The following REPS2 variants were observed in gnomAD, a reference collection of about 807,000 sequenced individuals.
REPS2 encodes the protein RALBP1 associated Eps domain containing 2.
Under a neutral mutation model 53.6 loss-of-function variants are expected in REPS2, and 23 were observed. The ratio of observed to expected loss-of-function variants is 0.43; its 90% CI spans 0.31 to 0.61. The LOEUF is 0.61. REPS2 is among the 20% of genes least tolerant of loss of function. REPS2 has a pLI of 0.11. For synonymous variants in REPS2, 238 were observed against 218.6 expected (o/e 1.09, Z -0.78); for missense variants, 446 against 534.9 (o/e 0.83, Z 1.64).
chrX:17,066,257 T>C (rs944288192), intron 9 of REPS2, among the ~76,000 whole-genome samples: 3 of 112,383 alleles, frequency 2.7e-5, no homozygotes, highest in Admixed American at 9.4e-5. Flanking sequence ...CTATTCTGAC[T>C]TCCTTGCATT....
At chrX:17,081,324 A>G (rs1303950678) in intron 13 of REPS2, among the ~76,000 whole-genome samples, 1 of 111,693 alleles carries the variant, frequency 9.0e-6, no homozygotes, top group Non-Finnish European at 1.9e-5. Context: ...TGGTTGTTAC[A>G]TAGGAGTGAT....
intron 13 of REPS2, among the ~76,000 whole-genome samples, chrX:17,098,041 T>C (rs2148043358): frequency 9.0e-6 from 1 of 110,653 alleles, no homozygotes; most frequent in South Asian, 3.9e-4. Context: ...GGTTTGGGGG[T>C]GGTGCTCTCC....
At chrX:17,050,146 CTTTCTTT>C (rs2061965552) in intron 6 of REPS2, among the ~76,000 whole-genome samples, 1 of 28,536 alleles carries the variant, frequency 3.5e-5, no homozygotes, top group Non-Finnish European at 5.5e-5. Flanking sequence ...TTCTTCCTTT[CTTTCTTT>C]CTTTCTTTCT....
intron 1 of REPS2, among the ~76,000 whole-genome samples, chrX:16,965,691 C>T (rs2060752815): frequency 8.9e-6 from 1 of 112,948 alleles, no homozygotes; most frequent in South Asian, 3.5e-4. Context: ...AGGCGCTCCT[C>T]ACTTCCTAGA....
At chrX:17,131,026 A>G (rs945862821) in intron 14 of REPS2, among the ~76,000 whole-genome samples, 2 of 112,219 alleles carry the variant, frequency 1.8e-5, no homozygotes, top group Non-Finnish European at 3.8e-5. Flanking sequence ...GGAGAAAGCT[A>G]TAAGAACTAG....
chrX:16,997,943 C>T (rs1285384724), intron 1 of REPS2, among the ~76,000 whole-genome samples: 1 of 111,494 alleles, frequency 9.0e-6, no homozygotes, highest in Non-Finnish European at 1.9e-5. Context: ...TTCGGGAGGC[C>T]AAGGTGGGAG....
intron 13 of REPS2, among the ~76,000 whole-genome samples, chrX:17,084,864 T>A (rs771754385): frequency 8.0e-5 from 9 of 112,336 alleles, no homozygotes; most frequent in African/African-American, 2.9e-4. Flanking sequence ...GATGGTGTCC[T>A]TTGAATCATA....
intron 1 of REPS2, among the ~76,000 whole-genome samples, chrX:16,964,868 G>A (rs2060719723): frequency 1.3e-5 from 1 of 75,033 alleles, no homozygotes; most frequent in Non-Finnish European, 2.5e-5. Context: ...CAGCCGGGCA[G>A]AGGCGCCCCT....
At chrX:16,964,607 C>T (rs1470420055) in intron 1 of REPS2, among the ~76,000 whole-genome samples, 2 of 109,261 alleles carry the variant, frequency 1.8e-5, no homozygotes, top group Non-Finnish European at 3.9e-5. Flanking sequence ...TAGGTGCCGC[C>T]GGGCAGAGGC....
chrX:17,052,306 G>A, intron 6 of REPS2, 76 bp from the exon 7 acceptor site: 1 of 821,975 alleles, frequency 1.2e-6, no homozygotes, highest in Non-Finnish European at 1.8e-6. Context: ...AAAAAATTGT[G>A]ATTCATTTGT....
At chrX:16,959,596 A>T (rs1412934145) in intron 1 of REPS2, among the ~76,000 whole-genome samples, 1 of 111,582 alleles carries the variant, frequency 9.0e-6, no homozygotes, top group Non-Finnish European at 1.9e-5. Context: ...GTTTGGGGGT[A>T]TGGCCAAGCA....
chrX:17,005,257 C>T (rs1045226542), intron 1 of REPS2, among the ~76,000 whole-genome samples: 1 of 110,572 alleles, frequency 9.0e-6, no homozygotes, highest in Non-Finnish European at 1.9e-5. Context: ...GAAGTTGCCC[C>T]CTGCCATTGA....
At chrX:16,977,159 G>A (rs1413393916) in intron 1 of REPS2, among the ~76,000 whole-genome samples, 1 of 111,498 alleles carries the variant, frequency 9.0e-6, no homozygotes, top group Non-Finnish European at 1.9e-5. Context: ...CCTTCTTTTG[G>A]CTTCTTGCTC....
In REPS2 at chrX:17,099,819, A is replaced by G. The variant is rs186560069; in HGVS notation, c.1517-3899A>G. The G allele has an allele frequency of 5.2e-6, 3 of 573,534 alleles. No individual in the cohort carries two copies. In the East Asian group the frequency reaches 9.8e-5, roughly 19 times the overall value. 47.3% of individuals were successfully genotyped at this position (573,534 alleles called of 1,213,427 possible). A position where few individuals can be genotyped will look rare whatever the true frequency, so the allele number is the denominator to read the frequency against. ...CTCTTTGGGGTAGGAATGCCACGTC[A>G]GCCTTTCCTCATAGAAGGATATGAC... On this transcript the variant is annotated intron_variant, in intron 13 of 17. Transcript: ENST00000357277.
chrX:17,091,886 G>A (rs985430753), intron 13 of REPS2, among the ~76,000 whole-genome samples: 2 of 112,089 alleles, frequency 1.8e-5, no homozygotes, highest in East Asian at 5.6e-4. Context: ...AAGAGGAATG[G>A]TCCTTACTGA....
At chrX:16,971,698 G>C (rs1174854968) in intron 1 of REPS2, among the ~76,000 whole-genome samples, 1 of 111,980 alleles carries the variant, frequency 8.9e-6, no homozygotes. Flanking sequence ...ATTTTTGTAC[G>C]TGGTGTGAAG....
intron 11 of REPS2, among the ~76,000 whole-genome samples, chrX:17,072,195 A>G (rs2062316206): frequency 8.9e-6 from 1 of 112,394 alleles, no homozygotes; most frequent in South Asian, 3.7e-4. Flanking sequence ...TAGAAACCAG[A>G]TTTCCAGGCT....
In REPS2 at chrX:17,135,295, T is replaced by G; in HGVS notation, c.1697T>G (p.Ile566Ser). ...VLYSQPPSKP[I>S]RRKFRPENQA... ...TATTCTCAGCCACCATCAAAGCCCATTCGTAGGAAATTCAGACCAGAAAAC... is the reference window on the plus strand; with the variant it reads ...TATTCTCAGCCACCATCAAAGCCCAGTCGTAGGAAATTCAGACCAGAAAAC... Residue 566 changes from isoleucine to serine, a missense_variant, in exon 16 of 18, where the codon ATT (isoleucine) becomes AGT (serine). Physicochemically the swap from Ile to Ser is moderately radical, Grantham distance 142. Transcript: ENST00000357277. 1 of 1,211,189 alleles carries G rather than the reference T, an allele frequency of 8.3e-7. No homozygotes were observed. The highest frequency in any genetic ancestry group is 1.1e-6 in the Non-Finnish European group (1 of 895,221).
At chrX:17,179,926 G>A in the REPS2 span, among the ~76,000 whole-genome samples, 13 of 112,109 alleles carry the variant, frequency 1.2e-4, no homozygotes, top group African/African-American at 3.6e-4. Flanking sequence ...TATATTAATT[G>A]CCTTAGAGAG....
Sources: gnomAD v4.1 joint callset for allele counts (sites outside exome capture counted in the v4.1 genomes callset) on GRCh38, gnomAD v4.1.1 for gene constraint, MANE v1.5 for transcripts, NCBI Gene and HGNC (gene_info 2026-07-23, HGNC 2026-07-21) for gene names.